Variants in ABCB1 observed in about 807,000 individuals in gnomAD.
The protein encoded by ABCB1 is ATP-dependent translocase ABCB1.
ABCB1 carries 69 observed loss-of-function variants against 142.0 expected under a neutral mutation model. That is an observed-to-expected ratio of 0.49 (90% CI 0.40 to 0.59). The LOEUF (loss-of-function observed/expected upper bound fraction) is 0.59, where lower values mean the gene tolerates loss of function less well. ABCB1 is among the 20% of genes least tolerant of loss of function. The probability of loss-of-function intolerance (pLI) is 0.00; values close to 1 mark genes in which losing one functional copy is unlikely to be tolerated. For synonymous variants in ABCB1, 532 were observed against 539.2 expected (o/e 0.99, Z 0.18); for missense variants, 1,326 against 1,554.7 (o/e 0.85, Z 2.47).
rs1057231307 is a variant in ABCB1, at chr7:87,540,425, C to T, written c.2319+932G>A. Among the ~76,000 whole-genome samples, 32 of 152,010 alleles carry T rather than the reference C, an allele frequency of 2.1e-4. 1 individual carries two copies. The highest frequency in any genetic ancestry group is 5.9e-4 in the Admixed American group (9 of 15,266). On this transcript the variant is annotated intron_variant, in intron 18 of 27. Coordinates refer to ENST00000622132, the MANE Select transcript of ABCB1 (RefSeq NM_001348946.2). ...CCAAAACCAATACTGTCTTGCCATA[C>T]CAAACAGTATTTATTTATTTATTTA... is the stretch of plus-strand genomic sequence containing the variant.
chr7:87,514,273 A>G (rs144995659), intron 25 of ABCB1, among the ~76,000 whole-genome samples: 56 of 152,294 alleles, frequency 3.7e-4, no homozygotes, highest in African/African-American at 1.3e-3. Context: ...TGCTGTTCCC[A>G]TTGTTAAGAA....
At chr7:87,628,713 T>A in intron 1 of ABCB1, 1 of 645,110 alleles carries the variant, frequency 1.6e-6, no homozygotes, top group Middle Eastern at 4.7e-4. Context: ...GCTCCTTTCC[T>A]ACATCCTTCC....
intron 1 of ABCB1, among the ~76,000 whole-genome samples, chr7:87,656,229 A>G (rs780868931): frequency 5.9e-5 from 9 of 152,162 alleles, no homozygotes; most frequent in Non-Finnish European, 1.5e-5. Flanking sequence ...TGTATATCAT[A>G]TATACAATTT....
rs1419673180 is a variant in ABCB1, at chr7:87,544,147, T to C, written c.2193A>G (p.Ile731Met). Residue 731 changes from isoleucine (I) to methionine (M), a missense_variant, in exon 17 of 28, where the codon ATA becomes ATG. Physicochemically the swap from Ile to Met is conservative, Grantham distance 10 (BLOSUM62 1). Coordinates refer to ENST00000622132, the MANE Select transcript of ABCB1 (RefSeq NM_001348946.2). ...CACTTACCCCTATAATCTTTGAAAA[T>C]ATTATTGCAAATGCTGGTTGCAGGC... is the stretch of plus-strand genomic sequence containing the variant. ...NGGLQPAFAI[I>M]FSKIIGVFTR... 1 of 1,613,836 alleles carries C rather than the reference T, an allele frequency of 6.2e-7. No homozygotes were observed. The highest frequency in any genetic ancestry group is 8.5e-7 in the Non-Finnish European group (1 of 1,179,922).
At chr7:87,536,602 A>T in intron 19 of ABCB1, 61 bp from the exon 20 acceptor site, 2 of 1,523,556 alleles carry the variant, frequency 1.3e-6, no homozygotes, top group African/African-American at 1.4e-5. Context: ...CAGCTCCAAG[A>T]GGGCAGCGAT....
chr7:87,563,091 A>G (rs1405624062), intron 7 of ABCB1, among the ~76,000 whole-genome samples: 5 of 152,184 alleles, frequency 3.3e-5, no homozygotes, highest in African/African-American at 9.7e-5. Flanking sequence ...GAACACATAC[A>G]TCCTCCCAAG....
chr7:87,531,536 T>C, intron 20 of ABCB1, 39 bp from the exon 21 acceptor site: 1 of 1,578,238 alleles, frequency 6.3e-7, no homozygotes, highest in Non-Finnish European at 8.7e-7. Flanking sequence ...TTAAAAATAT[T>C]ATCTTCACAA....
chr7:87,631,635 C>T (rs1236260665), intron 1 of ABCB1, among the ~76,000 whole-genome samples: 5 of 152,182 alleles, frequency 3.3e-5, no homozygotes, highest in Admixed American at 6.5e-5. Context: ...CCTCGTGATC[C>T]GCCCGCCTCG....
At chr7:87,622,792 G>A (rs527825917) in intron 1 of ABCB1, among the ~76,000 whole-genome samples, 33 of 152,234 alleles carry the variant, frequency 2.2e-4, no homozygotes, top group South Asian at 2.1e-3. Context: ...CACACTTGAG[G>A]GGCCAAGAAG....
chr7:87,539,128 C>T (rs1417645376), intron 19 of ABCB1, 140 bp downstream of exon 19: 7 of 905,288 alleles, frequency 7.7e-6, no homozygotes, highest in East Asian at 2.6e-5. Context: ...GCGGTTCAAC[C>T]GCATCTCTGA....
At chr7:87,613,584 A>G (rs1239071145) in intron 1 of ABCB1, among the ~76,000 whole-genome samples, 1 of 152,206 alleles carries the variant, frequency 6.6e-6, no homozygotes, top group Non-Finnish European at 1.5e-5. Context: ...CATTATCCTA[A>G]GTGAATTAAC....
intron 27 of ABCB1, 92 bp from the exon 28 acceptor site, chr7:87,504,541 G>A (rs1384758058): frequency 6.6e-6 from 10 of 1,522,808 alleles, no homozygotes; most frequent in Admixed American, 1.9e-5. Context: ...GGGCATGGTG[G>A]CTCACGCCTG....
chr7:87,680,919 C>T (rs914721934), intron 1 of ABCB1, among the ~76,000 whole-genome samples: 3 of 150,088 alleles, frequency 2.0e-5, no homozygotes, highest in African/African-American at 7.4e-5. Context: ...AAAACAAAAA[C>T]AATAATTGGT....
At chr7:87,527,528 A>G (rs1048990588) in intron 21 of ABCB1, among the ~76,000 whole-genome samples, 2 of 152,150 alleles carry the variant, frequency 1.3e-5, no homozygotes, top group African/African-American at 4.8e-5. Context: ...AAGCAGTTCA[A>G]CTTTTTCCTG....
chr7:87,671,382 G>C (rs1825809661), intron 1 of ABCB1, among the ~76,000 whole-genome samples: 1 of 152,184 alleles, frequency 6.6e-6, no homozygotes, highest in Non-Finnish European at 1.5e-5. Flanking sequence ...TTGCTCGGTA[G>C]CTCTGGTAGA....
chr7:87,695,397 T>G (rs533397774), intron 1 of ABCB1, among the ~76,000 whole-genome samples: 1 of 152,196 alleles, frequency 6.6e-6, no homozygotes, highest in South Asian at 2.1e-4. Context: ...AGTAAGAAAC[T>G]TGGGATTGCT....
chr7:87,641,507 C>G (rs1053583721), intron 1 of ABCB1, among the ~76,000 whole-genome samples: 9 of 152,108 alleles, frequency 5.9e-5, no homozygotes, highest in Non-Finnish European at 1.2e-4. Flanking sequence ...TTTCTAGCAC[C>G]CTTCCTCCAG....
chr7:87,538,971 T>A (rs1309501301), intron 19 of ABCB1, among the ~76,000 whole-genome samples: 1 of 152,088 alleles, frequency 6.6e-6, no homozygotes, highest in Non-Finnish European at 1.5e-5. Context: ...ATGAGGGGTA[T>A]CAAAGATGCC....
At position 87,515,335 on chromosome 7, in the gene ABCB1, C is replaced by T. The variant is rs1584834930; in HGVS notation, c.3178G>A (p.Val1060Met). The change falls in exon 25 of 28, where the codon GTG (valine) becomes ATG (methionine). Residue 1060 changes from valine to methionine, a missense_variant. By Grantham distance (21) the Val-to-Met change is conservative. Coordinates refer to ENST00000622132, the MANE Select transcript of ABCB1 (RefSeq NM_001348946.2). ...IPVLQGLSLE[V>M]KKGQTLALVG... ...AGAGCCAGCGTCTGGCCCTTCTTCA[C>T]CTCCAGGCTCAGTCCCTGAAGCACT... The T allele has an allele frequency of 6.2e-7, 1 of 1,614,182 alleles. No homozygotes were observed. The highest frequency in any genetic ancestry group is 1.1e-5 in the South Asian group (1 of 91,086).
Sources: allele counts gnomAD v4.1 joint callset (sites outside exome capture counted in the v4.1 genomes callset), GRCh38; gene constraint gnomAD v4.1.1; transcripts MANE v1.5; gene names NCBI Gene and HGNC (gene_info 2026-07-23, HGNC 2026-07-21).